NDUFB5: variants seen among roughly 807,000 people sequenced by gnomAD.
The protein encoded by NDUFB5 is NADH:ubiquinone oxidoreductase subunit B5, also known as NADH dehydrogenase [ubiquinone] 1 beta subcomplex subunit 5, mitochondrial.
NDUFB5 carries 19 observed loss-of-function variants against 19.4 expected under a neutral mutation model. The observed-to-expected ratio is 0.98, with a 90% CI of 0.68 to 1.43. The LOEUF (loss-of-function observed/expected upper bound fraction) is 1.43. Ranked by LOEUF, NDUFB5 falls within the 40% of genes most tolerant of loss-of-function variation. The probability of loss-of-function intolerance (pLI) is 0.00; values close to 1 mark genes in which losing one functional copy is unlikely to be tolerated. For missense variants in NDUFB5, 233 were observed against 236.5 expected (o/e 0.99, Z 0.10); for synonymous variants, 80 against 82.6 (o/e 0.97, Z 0.17).
chr3:179,618,535 G>A lies in NDUFB5; in HGVS notation c.449+14G>A, dbSNP rs1361668003. On this transcript the variant is annotated intron_variant, in intron 5 of 5. Transcript: ENST00000259037. ...GGCTGAATTACGGTAGGAAAAACGA[G>A]GGGGTAGGTGGGAAAGAAAATCTTC... is the stretch of plus-strand genomic sequence containing the variant. 1 of 1,548,218 alleles carries A rather than the reference G, an allele frequency of 6.5e-7. No homozygotes were observed. Among genetic ancestry groups the A allele is most frequent in the Admixed American group, 1.8e-5 (1 of 55,354 alleles).
intron 5 of NDUFB5, among the ~76,000 whole-genome samples, chr3:179,620,516 G>A (rs1386379127): frequency 6.6e-6 from 1 of 152,146 alleles, no homozygotes; most frequent in Admixed American, 6.5e-5. Flanking sequence ...TAGATATGCG[G>A]CATTATTTCT....
chr3:179,606,853 A>G (rs1719116177), intron 1 of NDUFB5, among the ~76,000 whole-genome samples: 2 of 152,332 alleles, frequency 1.3e-5, no homozygotes, highest in African/African-American at 4.8e-5. Flanking sequence ...GGATGAGGCA[A>G]TATACATAGG....
chr3:179,615,648 T>G, intron 2 of NDUFB5: 1 of 490,064 alleles, frequency 2.0e-6, no homozygotes, highest in Non-Finnish European at 4.0e-6. Flanking sequence ...ATTTGAGTAC[T>G]GACCTTAAAA....
rs1431960272 is a variant in NDUFB5 at position 179,625,517 on chromosome 3, C to T, written c.*1477C>T. 1.3e-5 allele frequency: 2 copies of T among 152,028 alleles called. No individual in the cohort carries two copies. The highest frequency in any genetic ancestry group is 2.4e-5 in the African/African-American group (1 of 41,370). 9.4% of individuals were successfully genotyped at this position (152,028 alleles called of 1,614,324 possible). On this transcript the variant is annotated 3_prime_UTR_variant, in exon 6 of 6. Coordinates refer to ENST00000259037, the MANE Select transcript of NDUFB5 (RefSeq NM_002492.4). ...GGTCAAATCAGGGTATTTGAATATA[C>T]ATATATTTCAAAATATAGTTATATA...
intron 5 of NDUFB5, among the ~76,000 whole-genome samples, chr3:179,620,554 A>G (rs556610712): frequency 6.6e-6 from 1 of 152,092 alleles, no homozygotes; most frequent in Non-Finnish European, 1.5e-5. Flanking sequence ...CCATTAGTCT[A>G]TATCTCTGTT....
chr3:179,607,035 GTAT>G lies in NDUFB5; in HGVS notation c.124+2098_124+2100del, dbSNP rs1719121179. 3.9e-5 allele frequency among the ~76,000 whole-genome samples: 6 copies of G among 152,186 alleles called. No individual in the cohort carries two copies. In the South Asian group the frequency reaches 1.2e-3, roughly 32 times the overall value. On this transcript the variant is annotated intron_variant, in intron 1 of 5. Transcript: ENST00000259037. ...AATCCTTCAAATACTCGCTCTGGTA[GTAT>G]TCAATCAAATCCAGCTGGAGATAAA...
chr3:179,615,263 G>T (rs1403329556), intron 2 of NDUFB5: 4 of 357,220 alleles, frequency 1.1e-5, no homozygotes, highest in Non-Finnish European at 2.1e-5. Context: ...TTCACAAAAG[G>T]ATTTACACTA....
intron 5 of NDUFB5, among the ~76,000 whole-genome samples, chr3:179,621,496 C>CTTTTTTT: frequency 7.7e-6 from 1 of 130,574 alleles, no homozygotes; most frequent in Non-Finnish European, 1.6e-5. Flanking sequence ...TTTTCTTTTT[C>CTTTTTTT]TTTTTTTTTT....
chr3:179,619,774 A>G (rs1399991533), intron 5 of NDUFB5, among the ~76,000 whole-genome samples: 2 of 152,198 alleles, frequency 1.3e-5, no homozygotes, highest in Non-Finnish European at 2.9e-5. Flanking sequence ...GAATCGCCAC[A>G]CTGACTTCCA....
chr3:179,609,593 C>A (rs572994942), intron 1 of NDUFB5, among the ~76,000 whole-genome samples: 4 of 152,150 alleles, frequency 2.6e-5, no homozygotes, highest in Admixed American at 1.3e-4. Context: ...CACCTGGGGC[C>A]CCTTCCTTGT....
At chr3:179,615,574 A>AG (rs1231333422) in intron 2 of NDUFB5, 2 of 463,644 alleles carry the variant, frequency 4.3e-6, no homozygotes, top group African/African-American at 4.0e-5. Context: ...CGAACAAAGT[A>AG]GAGGCTTAGA....
chr3:179,609,567 C>A (rs1026094425), intron 1 of NDUFB5, among the ~76,000 whole-genome samples: 2 of 152,202 alleles, frequency 1.3e-5, no homozygotes, highest in Admixed American at 1.3e-4. Context: ...CGTGTCTCAG[C>A]AGAATTGCTT....
intron 2 of NDUFB5, chr3:179,615,564 C>T (rs986033700): frequency 8.7e-6 from 4 of 461,518 alleles, no homozygotes; most frequent in Admixed American, 2.3e-5. Flanking sequence ...AGGCTCTATA[C>T]GAACAAAGTA....
chr3:179,612,475 C>G (rs965158567), intron 1 of NDUFB5, among the ~76,000 whole-genome samples: 1 of 122,868 alleles, frequency 8.1e-6, no homozygotes, highest in African/African-American at 3.2e-5. Context: ...TGCATTAAAC[C>G]TTTTTTTTTT....
Position 179,616,069 on chromosome 3 carries a change from T to C in NDUFB5, c.280+20T>C, listed in dbSNP as rs1273292758. The C allele has an allele frequency of 3.1e-6, 5 of 1,599,920 alleles. No individual in the cohort carries two copies. The highest frequency in any genetic ancestry group is 4.3e-6 in the Non-Finnish European group (5 of 1,171,848). On this transcript the variant is annotated intron_variant, in intron 3 of 5. Transcript: ENST00000259037. ...TCATTGGTAAGTCACTTCCATCCCCTGCCAGCACCACCAGATTGGAAAAAT... is the reference window on the plus strand; with the variant it reads ...TCATTGGTAAGTCACTTCCATCCCCCGCCAGCACCACCAGATTGGAAAAAT...
At chr3:179,614,867 C>A (rs2108397672) in intron 1 of NDUFB5, 104 bp from the exon 2 acceptor site, 1 of 800,518 alleles carries the variant, frequency 1.2e-6, no homozygotes, top group South Asian at 2.3e-5. Context: ...TGCTTATGAG[C>A]TACAAAAGGA....
rs914177701 is a variant in NDUFB5 at position 179,624,246 on chromosome 3, A to G, written c.*206A>G. On this transcript the variant is annotated 3_prime_UTR_variant, in exon 6 of 6. Coordinates refer to ENST00000259037, the MANE Select transcript of NDUFB5 (RefSeq NM_002492.4). ...AAAATGTACTAATAAAAACTGGAGA[A>G]ATAGGAATTTGTGAACTCCTAAAAT... 3 of 394,496 alleles carry G rather than the reference A, an allele frequency of 7.6e-6. No homozygotes were observed. The highest frequency in any genetic ancestry group is 4.2e-5 in the African/African-American group (2 of 47,394). 24.4% of individuals were successfully genotyped at this position (394,496 alleles called of 1,614,324 possible). A position where few individuals can be genotyped will look rare whatever the true frequency, so the allele number is the denominator to read the frequency against.
At chr3:179,616,317 C>G (rs1391993617) in intron 3 of NDUFB5, among the ~76,000 whole-genome samples, 1 of 152,066 alleles carries the variant, frequency 6.6e-6, no homozygotes, top group East Asian at 1.9e-4. Context: ...CCGAGGCGGG[C>G]AGATCATGAG....
intron 5 of NDUFB5, among the ~76,000 whole-genome samples, chr3:179,619,667 ATG>A (rs1719477128): frequency 1.3e-5 from 2 of 152,198 alleles, no homozygotes; most frequent in Admixed American, 1.3e-4. Flanking sequence ...ATATGTGTGC[ATG>A]TGTCTTTATA....
Sources: allele counts gnomAD v4.1 joint callset (sites outside exome capture counted in the v4.1 genomes callset), GRCh38; gene constraint gnomAD v4.1.1; transcripts MANE v1.5; gene names NCBI Gene and HGNC (gene_info 2026-07-23, HGNC 2026-07-21).